The following KCMF1 variants were observed in gnomAD, a reference collection of about 807,000 sequenced individuals.
KCMF1 encodes the protein E3 ubiquitin-protein ligase KCMF1.
KCMF1 carries 3 observed loss-of-function variants against 41.1 expected under a neutral mutation model. The ratio of observed to expected loss-of-function variants is 0.07; its 90% CI spans 0.03 to 0.19. The LOEUF (loss-of-function observed/expected upper bound fraction) is 0.19. Ranked by LOEUF, KCMF1 falls within the 10% of genes least tolerant of loss-of-function variation. KCMF1 has a pLI of 1.00. For missense variants in KCMF1, 286 were observed against 488.9 expected (o/e 0.58, Z 3.91); for synonymous variants, 142 against 164.5 (o/e 0.86, Z 1.04).
In KCMF1 at chr2:85,053,291, A is replaced by C; in HGVS notation, c.1028A>C (p.Glu343Ala). 1 of 1,613,712 alleles carries C rather than the reference A, an allele frequency of 6.2e-7. No homozygotes were observed. Among genetic ancestry groups the C allele is most frequent in the Non-Finnish European group, 8.5e-7 (1 of 1,179,860 alleles). Residue 343 changes from glutamate to alanine, a missense_variant, in exon 7 of 7, where the codon GAG (glutamate) becomes GCG (alanine). By Grantham distance (107) the Glu-to-Ala change is moderately radical. Coordinates refer to ENST00000409785, the MANE Select transcript of KCMF1 (RefSeq NM_020122.5). The part of the protein sequence containing the change: ...SSSSDEDDRG[E>A]MADFGAMGCV... The stretch of plus-strand genomic sequence containing the variant: ...TCCTCAGATGAGGATGATCGGGGGG[A>C]GATGGCAGATTTTGGTGCTATGGGC...
intron 1 of KCMF1, among the ~76,000 whole-genome samples, chr2:84,976,437 C>T (rs961327985): frequency 6.6e-6 from 1 of 151,762 alleles, no homozygotes; most frequent in Non-Finnish European, 1.5e-5. Flanking sequence ...AACTCCTGAC[C>T]GCAAGTGATC....
At chr2:84,986,281 A>G (rs182360341) in intron 1 of KCMF1, among the ~76,000 whole-genome samples, 4 of 152,316 alleles carry the variant, frequency 2.6e-5, no homozygotes, top group Non-Finnish European at 2.9e-5. Context: ...GACTGGGGCA[A>G]TTAAAAGTGT....
intron 1 of KCMF1, among the ~76,000 whole-genome samples, chr2:85,010,362 G>A (rs1383177375): frequency 6.6e-6 from 1 of 152,196 alleles, no homozygotes; most frequent in Non-Finnish European, 1.5e-5. Context: ...CTAGCTACTT[G>A]GGTGGCTGAG....
In KCMF1 at chr2:85,054,508, TGA is replaced by T. The variant is rs1675883130; in HGVS notation, c.*1100_*1101del. The T allele has an allele frequency of 6.6e-6, 1 of 152,198 alleles. No individual in the cohort carries two copies. Among genetic ancestry groups the T allele is most frequent in the South Asian group, 2.1e-4 (1 of 4,830 alleles). The allele number at this position is 152,198 out of a possible 1,614,324, so 9.4% of individuals were successfully genotyped here. On this transcript the variant is annotated 3_prime_UTR_variant, in exon 7 of 7. Coordinates refer to ENST00000409785, the MANE Select transcript of KCMF1 (RefSeq NM_020122.5). ...GGCATAAAAAGTAAAGCCTTTTAAT[TGA>T]ATCATGCCACCTATATGCCTATATT...
At chr2:84,972,861 G>A (rs1673435186) in intron 1 of KCMF1, among the ~76,000 whole-genome samples, 1 of 152,190 alleles carries the variant, frequency 6.6e-6, no homozygotes, top group Admixed American at 6.5e-5. Context: ...CAAAGCATTT[G>A]TTGAGTACTT....
Position 85,008,347 on chromosome 2 carries a change from A to AATATATTATATATAATATG in KCMF1, c.17-19536_17-19535insTATATATAATATGATATAT, listed in dbSNP as rs1674548925. Among the ~76,000 whole-genome samples the AATATATTATATATAATATG allele has an allele frequency of 2.7e-4, 2 of 7,334 alleles. 1 individual carries two copies. Among genetic ancestry groups the AATATATTATATATAATATG allele is most frequent in the Non-Finnish European group, 2.1e-3 (2 of 954 alleles). The allele number at this position is 7,334 out of a possible 152,430, so 4.8% of individuals were successfully genotyped here. A position where few individuals can be genotyped will look rare whatever the true frequency, so the allele number is the denominator to read the frequency against. On this transcript the variant is annotated intron_variant, in intron 1 of 6. Coordinates refer to ENST00000409785, the MANE Select transcript of KCMF1 (RefSeq NM_020122.5). ...ATATATAATATATAATATGATATAT[A>AATATATTATATATAATATG]ATATATAATATATATTATATATCAT...
chr2:84,992,181 AT>A (rs991352041), intron 1 of KCMF1, among the ~76,000 whole-genome samples: 5 of 152,196 alleles, frequency 3.3e-5, no homozygotes, highest in Admixed American at 2.6e-4. Context: ...ACCTCAGAGA[AT>A]GGTTGTTATT....
rs2104071797 is a variant in KCMF1, at chr2:85,053,533, A to G, written c.*124A>G. 2.1e-6 allele frequency: 2 copies of G among 975,492 alleles called. No homozygotes were observed. The highest frequency in any genetic ancestry group is 3.0e-6 in the Non-Finnish European group (2 of 669,424). 60.4% of individuals were successfully genotyped at this position (975,492 alleles called of 1,614,324 possible). A position where few individuals can be genotyped will look rare whatever the true frequency, so the allele number is the denominator to read the frequency against. ...CTGTCACTCTTGTTACATTGTGTAC[A>G]TTCAAAAGGAAGAGAGAAAATATAT... On this transcript the variant is annotated 3_prime_UTR_variant, in exon 7 of 7. Transcript: ENST00000409785.
chr2:85,046,772 C>T (rs1675676047), intron 5 of KCMF1, among the ~76,000 whole-genome samples: 1 of 152,016 alleles, frequency 6.6e-6, no homozygotes, highest in African/African-American at 2.4e-5. Flanking sequence ...TAAAGTAATT[C>T]ATACTCTTCT....
rs544054636 is a variant in KCMF1, at chr2:84,997,794, G to A, written c.16+26327G>A. Among the ~76,000 whole-genome samples, 58 of 104,338 alleles carry A rather than the reference G, an allele frequency of 5.6e-4. 1 individual carries two copies. The highest frequency in any genetic ancestry group is 1.7e-3 in the African/African-American group (45 of 26,832). 68.4% of individuals were successfully genotyped at this position (104,338 alleles called of 152,430 possible). ...TTTTTTTTTTTTTTTTTTTTGAGAT[G>A]GAATCTCACTTTGTCACCCAGGCTG... On this transcript the variant is annotated intron_variant, in intron 1 of 6. Coordinates refer to ENST00000409785, the MANE Select transcript of KCMF1 (RefSeq NM_020122.5).
At chr2:84,988,917 A>G (rs558870883) in intron 1 of KCMF1, among the ~76,000 whole-genome samples, 1 of 152,344 alleles carries the variant, frequency 6.6e-6, no homozygotes, top group South Asian at 2.1e-4. Flanking sequence ...GTATAAACAG[A>G]TGAACATGAC....
At chr2:85,041,760 TC>T (rs1364507193) in intron 3 of KCMF1, among the ~76,000 whole-genome samples, 9,414 of 147,768 alleles carry the variant, frequency 0.064, 499 homozygotes, top group East Asian at 0.33. Context: ...ACATTGCTGG[TC>T]TTTTTTTTTT....
intron 1 of KCMF1, among the ~76,000 whole-genome samples, chr2:84,995,826 T>G (rs1395336582): frequency 6.6e-6 from 1 of 152,178 alleles, no homozygotes; most frequent in Non-Finnish European, 1.5e-5. Flanking sequence ...ATTCACATAC[T>G]TTAAGTAAAA....
intron 1 of KCMF1, among the ~76,000 whole-genome samples, chr2:84,987,678 T>C (rs748831064): frequency 2.4e-4 from 36 of 152,056 alleles, no homozygotes; most frequent in Non-Finnish European, 4.7e-4. Context: ...GAGAGAGAAA[T>C]TGGGGCTAGA....
intron 1 of KCMF1, among the ~76,000 whole-genome samples, chr2:84,975,383 G>A (rs1424668331): frequency 2.6e-5 from 4 of 152,122 alleles, no homozygotes; most frequent in African/African-American, 7.2e-5. Context: ...TTGGGATTCC[G>A]TCATTTTCTT....
intron 1 of KCMF1, among the ~76,000 whole-genome samples, chr2:85,008,258 TATATC>T (rs1558573250): frequency 8.9e-6 from 1 of 112,898 alleles, no homozygotes; most frequent in African/African-American, 3.4e-5. Context: ...ATATATATTA[TATATC>T]ATATATAATA....
chr2:85,020,600 A>G (rs1222888630), intron 1 of KCMF1, among the ~76,000 whole-genome samples: 1 of 151,764 alleles, frequency 6.6e-6, no homozygotes, highest in East Asian at 1.9e-4. Context: ...TAATTTTTGT[A>G]TGTTTTTTGT....
chr2:85,017,073 G>A (rs1391169622), intron 1 of KCMF1, among the ~76,000 whole-genome samples: 2 of 145,024 alleles, frequency 1.4e-5, no homozygotes, highest in South Asian at 2.2e-4. Flanking sequence ...GCGGGACTGC[G>A]GACTGCAGTG....
At chr2:84,977,060 G>A (rs147729770) in intron 1 of KCMF1, among the ~76,000 whole-genome samples, 1 of 150,474 alleles carries the variant, frequency 6.6e-6, no homozygotes, top group East Asian at 1.9e-4. Context: ...CCAGGCTAGA[G>A]TAGAGTACAT....
Sources: gnomAD v4.1 joint callset for allele counts (sites outside exome capture counted in the v4.1 genomes callset) on GRCh38, gnomAD v4.1.1 for gene constraint, MANE v1.5 for transcripts, NCBI Gene and HGNC (gene_info 2026-07-23, HGNC 2026-07-21) for gene names.